The following TAF15 variants were observed in gnomAD, a reference collection of about 807,000 sequenced individuals.
The protein encoded by TAF15 is TATA-box binding protein associated factor 15.
TAF15 carries 37 observed loss-of-function variants against 102.5 expected under a neutral mutation model. That is an observed-to-expected ratio of 0.36 (90% CI 0.28 to 0.47). The LOEUF is 0.47. TAF15 is among the 20% of genes least tolerant of loss of function. The probability of loss-of-function intolerance (pLI) is 0.99; values close to 1 mark genes in which losing one functional copy is unlikely to be tolerated. For synonymous variants in TAF15, 273 were observed against 259.2 expected, an observed-to-expected ratio of 1.05 and a Z score of -0.51; for missense variants, 652 against 760.7, an observed-to-expected ratio of 0.86 and a Z score of 1.68.
intron 7 of TAF15, among the ~76,000 whole-genome samples, chr17:35,825,297 A>T (rs538861521): frequency 6.6e-6 from 1 of 152,344 alleles, no homozygotes; most frequent in Admixed American, 6.5e-5. Flanking sequence ...AAGTCTGTTG[A>T]TAGCCAAAGT....
At chr17:35,819,081 A>T (rs2087228933) in intron 2 of TAF15, among the ~76,000 whole-genome samples, 1 of 151,880 alleles carries the variant, frequency 6.6e-6, no homozygotes, top group Non-Finnish European at 1.5e-5. Flanking sequence ...TCAGTGTAAG[A>T]TACTCAGAAT....
At position 35,821,033 on chromosome 17, in the gene TAF15, C is replaced by T. The variant is rs548502399; in HGVS notation, c.290+596C>T. On this transcript the variant is annotated intron_variant, in intron 5 of 15. Coordinates refer to ENST00000605844, the MANE Select transcript of TAF15 (RefSeq NM_139215.3). The stretch of plus-strand genomic sequence containing the variant: ...ACATTCTGTGAAATGCTTTTGCATT[C>T]TCTAATGTGATTGATCTTCAGATAC... Among the ~76,000 whole-genome samples the T allele has an allele frequency of 2.0e-5, 3 of 152,220 alleles. No individual in the cohort carries two copies. The South Asian group carries it at 6.2e-4, about 32-fold the overall frequency.
chr17:35,814,419 C>T (rs917665034), intron 1 of TAF15, among the ~76,000 whole-genome samples: 1 of 152,026 alleles, frequency 6.6e-6, no homozygotes, highest in Admixed American at 6.6e-5. Flanking sequence ...CTGCCCACCT[C>T]AGCCTCCCAA....
At chr17:35,816,334 A>T (rs542457455) in intron 1 of TAF15, among the ~76,000 whole-genome samples, 1 of 152,158 alleles carries the variant, frequency 6.6e-6, no homozygotes, top group African/African-American at 2.4e-5. Context: ...CTGAGCCCCT[A>T]TCTCTAAAAA....
chr17:35,813,758 A>G (rs2087156614), intron 1 of TAF15, among the ~76,000 whole-genome samples: 1 of 151,942 alleles, frequency 6.6e-6, no homozygotes. Context: ...TCCAAAGTAA[A>G]TGAACATTTT....
chr17:35,845,352 T>G (rs2087611453), intron 15 of TAF15, among the ~76,000 whole-genome samples: 1 of 152,148 alleles, frequency 6.6e-6, no homozygotes, highest in South Asian at 2.1e-4. Flanking sequence ...ACTCTTAGAC[T>G]CAGGCAACAC....
At position 35,836,251 on chromosome 17, in the gene TAF15, AAT is replaced by A; in HGVS notation, c.783+13_783+14del. The A allele has an allele frequency of 6.5e-7, 1 of 1,526,754 alleles. No individual in the cohort carries two copies. Among genetic ancestry groups the A allele is most frequent in the Non-Finnish European group, 9.1e-7 (1 of 1,101,152 alleles). The allele number at this position is 1,526,754 out of a possible 1,614,324, so 94.6% of individuals were successfully genotyped here. On this transcript the variant is annotated intron_variant, in intron 10 of 15. Transcript: ENST00000605844. ...AATAGGAATTATCAAGGTGAGTAAA[AAT>A]ATTATATGTTGAAAATCTCATAATT...
chr17:35,822,697 T>C lies in TAF15; in HGVS notation c.348T>C (p.Tyr116=), dbSNP rs148975710. 4.3e-5 allele frequency: 69 copies of C among 1,614,080 alleles called. No homozygotes were observed. Among genetic ancestry groups the C allele is most frequent in the Non-Finnish European group, 5.1e-5 (60 of 1,180,048 alleles). ...DQPDYGQQDS[Y]DQQSGYDQHQ... ...CAGACTATGGTCAACAAGATTCATA[T>C]GACCAGCAGTCAGGCTATGATCAAC... is the stretch of plus-strand genomic sequence containing the variant. Residue 116 remains tyrosine (Y), a synonymous_variant, in exon 6 of 16, where the codon TAT becomes TAC. Coordinates refer to ENST00000605844, the MANE Select transcript of TAF15 (RefSeq NM_139215.3).
intron 6 of TAF15, 111 bp from the exon 7 acceptor site, chr17:35,823,967 A>G: frequency 1.5e-6 from 2 of 1,336,232 alleles, no homozygotes; most frequent in South Asian, 1.2e-5. Context: ...TTGTGTGCAC[A>G]TGTGCCATTT....
At chr17:35,843,242 G>C (rs779033651) in intron 12 of TAF15, among the ~76,000 whole-genome samples, 3 of 152,022 alleles carry the variant, frequency 2.0e-5, no homozygotes, top group Non-Finnish European at 4.4e-5. Context: ...GCCTGCCTCA[G>C]CGTCCCAAGT....
chr17:35,826,832 A>G (rs1481488324), intron 7 of TAF15, among the ~76,000 whole-genome samples: 1 of 150,588 alleles, frequency 6.6e-6, no homozygotes, highest in African/African-American at 2.4e-5. Context: ...TCCCAAGATT[A>G]CAGGTGTGAG....
intron 7 of TAF15, chr17:35,833,507 CTTGCTTTGTA>C (rs111365141): frequency 0.013 from 2,180 of 164,850 alleles, 57 homozygotes; most frequent in African/African-American, 0.049. Flanking sequence ...AAATCTTAAC[CTTGCTTTGTA>C]TTCTTCTAGT....
chr17:35,831,059 A>C (rs534743215), intron 7 of TAF15, among the ~76,000 whole-genome samples: 3 of 152,080 alleles, frequency 2.0e-5, no homozygotes, highest in African/African-American at 7.2e-5. Context: ...ATTTATGGCC[A>C]TGTGTTGAAA....
chr17:35,838,639 A>AT lies in TAF15; in HGVS notation c.913+88dup, dbSNP rs1247866190. The AT allele has an allele frequency of 1.9e-6, 3 of 1,588,610 alleles. No homozygotes were observed. In the African/African-American group the frequency reaches 4.0e-5, roughly 21 times the overall value. On this transcript the variant is annotated intron_variant, in intron 11 of 15. Coordinates refer to ENST00000605844, the MANE Select transcript of TAF15 (RefSeq NM_139215.3). ...TGAGAATATGCTCTGGGTGACAGTGATTATATTCATGTTTACTTTTGCAGA... is the reference window on the plus strand; with the variant it reads ...TGAGAATATGCTCTGGGTGACAGTGATTTATATTCATGTTTACTTTTGCAGA...
rs376396971 is a variant in TAF15 at position 35,842,478 on chromosome 17, A to G, written c.1006+19A>G. The G allele has an allele frequency of 3.3e-5, 53 of 1,582,978 alleles. No homozygotes were observed. Among genetic ancestry groups the G allele is most frequent in the Non-Finnish European group, 3.9e-5 (45 of 1,152,106 alleles). On this transcript the variant is annotated intron_variant, in intron 12 of 15. Transcript: ENST00000605844. ...CGGCGAGGTAAGATCCTTGCTGCGT[A>G]CAGTCCTGGATACTATCCAAGGGTT...
intron 8 of TAF15, 107 bp downstream of exon 8, chr17:35,834,048 C>A: frequency 8.6e-7 from 1 of 1,165,598 alleles, no homozygotes; most frequent in Admixed American, 1.8e-5. Flanking sequence ...TCTGTTGAGG[C>A]TGGTGTGTGT....
chr17:35,823,989 A>G, intron 6 of TAF15, 89 bp from the exon 7 acceptor site: 2 of 1,517,822 alleles, frequency 1.3e-6, no homozygotes, highest in Non-Finnish European at 1.8e-6. Flanking sequence ...CTATAAGGAT[A>G]TGTGTGGCCT....
chr17:35,842,028 C>G (rs766212370), intron 11 of TAF15, among the ~76,000 whole-genome samples: 3 of 152,050 alleles, frequency 2.0e-5, no homozygotes, highest in Non-Finnish European at 4.4e-5. Flanking sequence ...CATCTCCTTC[C>G]CCAGGCTGGT....
chr17:35,846,825 C>G (rs965150551), intron 15 of TAF15, 81 bp from the exon 16 acceptor site: 1 of 1,456,954 alleles, frequency 6.9e-7, no homozygotes, highest in Non-Finnish European at 9.6e-7. Context: ...ATGCCAATCA[C>G]TAGTACCCTG....
Sources: allele counts gnomAD v4.1 joint callset (sites outside exome capture counted in the v4.1 genomes callset), GRCh38; gene constraint gnomAD v4.1.1; transcripts MANE v1.5; gene names NCBI Gene and HGNC (gene_info 2026-07-23, HGNC 2026-07-21).